CCSER1: variants seen among roughly 807,000 people sequenced by gnomAD.
CCSER1 encodes coiled-coil serine rich protein 1.
In CCSER1, 41 loss-of-function variants were observed where a neutral mutation model predicts 82.0. The ratio of observed to expected loss-of-function variants is 0.50; its 90% CI spans 0.39 to 0.65. The LOEUF is 0.65. Among genes scored for constraint, CCSER1 ranks in the 30% least tolerant of loss-of-function variants. The pLI is 0.00. For synonymous variants in CCSER1, 414 were observed against 383.9 expected (o/e 1.08, Z -0.92); for missense variants, 1,119 against 1,064.2 (o/e 1.05, Z -0.72).
chr4:90,996,600 A>G (rs964638750), intron 9 of CCSER1, among the ~76,000 whole-genome samples: 2 of 152,134 alleles, frequency 1.3e-5, no homozygotes, highest in Admixed American at 6.6e-5. Context: ...AAATCATTCT[A>G]CCAATAGAAT....
intron 6 of CCSER1, among the ~76,000 whole-genome samples, chr4:90,720,329 G>A (rs1464541199): frequency 6.6e-6 from 1 of 151,304 alleles, no homozygotes; most frequent in Non-Finnish European, 1.5e-5. Flanking sequence ...CTAGGCACTG[G>A]GTGTTAGTAA....
Position 91,368,870 on chromosome 4 carries a change from T to C in CCSER1, c.2218-229702T>C, listed in dbSNP as rs187626094. On this transcript the variant is annotated intron_variant, in intron 10 of 10. Coordinates refer to ENST00000509176, the MANE Select transcript of CCSER1 (RefSeq NM_001145065.2). The stretch of plus-strand genomic sequence containing the variant: ...TATTCTATATAAGTTGCCAACATAA[T>C]ACAAATATGGAATTGCCTAATTCTT... Among the ~76,000 whole-genome samples the C allele has an allele frequency of 1.2e-3, 177 of 152,304 alleles. 2 individuals are homozygous for C. The highest frequency in any genetic ancestry group is 4.2e-3 in the African/African-American group (174 of 41,588).
chr4:91,532,987 C>T (rs1761112687), intron 10 of CCSER1, among the ~76,000 whole-genome samples: 1 of 152,086 alleles, frequency 6.6e-6, no homozygotes, highest in South Asian at 2.1e-4. Flanking sequence ...ATAATCTTTG[C>T]AGTGTTGATT....
chr4:90,513,122 A>G (rs1771783090), intron 5 of CCSER1, among the ~76,000 whole-genome samples: 1 of 152,212 alleles, frequency 6.6e-6, no homozygotes, highest in Non-Finnish European at 1.5e-5. Flanking sequence ...TTGAGGTTAA[A>G]GGGCATGAAT....
chr4:90,342,409 A>G (rs576140975), intron 3 of CCSER1, among the ~76,000 whole-genome samples: 2 of 152,252 alleles, frequency 1.3e-5, no homozygotes, highest in African/African-American at 2.4e-5. Context: ...GACATTGACT[A>G]TCCTCACCCT....
chr4:91,149,102 T>G (rs1729859698), intron 10 of CCSER1, among the ~76,000 whole-genome samples: 1 of 152,192 alleles, frequency 6.6e-6, no homozygotes, highest in Non-Finnish European at 1.5e-5. Context: ...CCACCAACAG[T>G]GCAAAAGTGT....
intron 10 of CCSER1, among the ~76,000 whole-genome samples, chr4:91,323,959 G>A (rs908020346): frequency 6.6e-5 from 10 of 152,212 alleles, no homozygotes; most frequent in Middle Eastern, 3.4e-3. Context: ...TGTATTCTCC[G>A]TCATTATGTA....
Position 91,252,954 on chromosome 4 carries a change from A to G in CCSER1, c.2217+166960A>G, listed in dbSNP as rs76728978. ...CATAAAGAAATACCTCCTTATTAGT[A>G]ACTATGTTAAGTGTAAATGAATTAA... On this transcript the variant is annotated intron_variant, in intron 10 of 10. Coordinates refer to ENST00000509176, the MANE Select transcript of CCSER1 (RefSeq NM_001145065.2). Among the ~76,000 whole-genome samples the G allele has an allele frequency of 2.8e-3, 429 of 152,270 alleles. 1 individual carries two copies. Among genetic ancestry groups the G allele is most frequent in the African/African-American group, 9.7e-3 (403 of 41,556 alleles).
chr4:90,148,843 C>A (rs1726288169), intron 1 of CCSER1, among the ~76,000 whole-genome samples: 1 of 152,116 alleles, frequency 6.6e-6, no homozygotes, highest in Non-Finnish European at 1.5e-5. Flanking sequence ...CTCAAGCATA[C>A]CTATACGTCT....
At chr4:91,191,896 C>T (rs1259245247) in intron 10 of CCSER1, among the ~76,000 whole-genome samples, 1 of 152,202 alleles carries the variant, frequency 6.6e-6, no homozygotes, top group Non-Finnish European at 1.5e-5. Context: ...GCCAGAGTTG[C>T]TTTCCATTGC....
At chr4:91,413,113 G>T (rs1753160419) in intron 10 of CCSER1, among the ~76,000 whole-genome samples, 1 of 152,074 alleles carries the variant, frequency 6.6e-6, no homozygotes, top group South Asian at 2.1e-4. Context: ...GAGAGCTTCA[G>T]CAGCAGACCT....
At chr4:90,732,025 A>ATT (rs1285547812) in intron 7 of CCSER1, among the ~76,000 whole-genome samples, 1 of 78,370 alleles carries the variant, frequency 1.3e-5, no homozygotes, top group Non-Finnish European at 2.5e-5. Context: ...ACCTATTGGG[A>ATT]TTTCTCTCTC....
chr4:90,664,431 T>G (rs943670911), intron 6 of CCSER1, among the ~76,000 whole-genome samples: 1 of 152,196 alleles, frequency 6.6e-6, no homozygotes, highest in Non-Finnish European at 1.5e-5. Flanking sequence ...AAAGGGAGTT[T>G]TTTTTGTCAA....
intron 9 of CCSER1, among the ~76,000 whole-genome samples, chr4:91,020,848 C>A (rs538742240): frequency 6.6e-6 from 1 of 152,138 alleles, no homozygotes; most frequent in African/African-American, 2.4e-5. Flanking sequence ...GTTTTTTCTA[C>A]TTGGAAACTA....
At chr4:91,425,691 G>T (rs1174627287) in intron 10 of CCSER1, among the ~76,000 whole-genome samples, 1 of 152,140 alleles carries the variant, frequency 6.6e-6, no homozygotes, top group African/African-American at 2.4e-5. Flanking sequence ...ATCAGTCATA[G>T]AAATAGAGTC....
chr4:91,320,007 T>C (rs1252437098), intron 10 of CCSER1, among the ~76,000 whole-genome samples: 2 of 152,042 alleles, frequency 1.3e-5, no homozygotes, highest in Non-Finnish European at 2.9e-5. Flanking sequence ...GCCTGAGATG[T>C]GAATCATCCT....
At chr4:90,478,368 A>G (rs1293356403) in intron 5 of CCSER1, among the ~76,000 whole-genome samples, 1 of 152,170 alleles carries the variant, frequency 6.6e-6, no homozygotes, top group Non-Finnish European at 1.5e-5. Flanking sequence ...TATTAAAGAC[A>G]GGTATTTTTT....
intron 9 of CCSER1, among the ~76,000 whole-genome samples, chr4:91,008,076 CTG>C (rs1738679157): frequency 6.6e-6 from 1 of 152,036 alleles, no homozygotes; most frequent in Non-Finnish European, 1.5e-5. Flanking sequence ...GTTTCATACA[CTG>C]TGATTGGAAA....
intron 10 of CCSER1, among the ~76,000 whole-genome samples, chr4:91,184,391 T>C (rs1734331995): frequency 6.6e-6 from 1 of 152,218 alleles, no homozygotes; most frequent in African/African-American, 2.4e-5. Flanking sequence ...TTTAAATCTA[T>C]GACTATTAAA....
Sources: gnomAD v4.1 joint callset for allele counts (sites outside exome capture counted in the v4.1 genomes callset) on GRCh38, gnomAD v4.1.1 for gene constraint, MANE v1.5 for transcripts, NCBI Gene and HGNC (gene_info 2026-07-23, HGNC 2026-07-21) for gene names.